Variants in IP6K1 observed in about 807,000 individuals in gnomAD.
The protein encoded by IP6K1 is inositol hexakisphosphate kinase 1.
A neutral mutation model predicts 38.3 loss-of-function variants in IP6K1; 13 were observed. That is an observed-to-expected ratio of 0.34 (90% CI 0.22 to 0.54). The LOEUF (loss-of-function observed/expected upper bound fraction) is 0.54, where lower values mean the gene tolerates loss of function less well. Ranked by LOEUF, IP6K1 falls within the 20% of genes least tolerant of loss-of-function variation. The pLI is 0.92. For synonymous variants in IP6K1, 212 were observed against 229.9 expected, an observed-to-expected ratio of 0.92 and a Z score of 0.70; for missense variants, 397 against 599.8, an observed-to-expected ratio of 0.66 and a Z score of 3.53.
chr3:49,772,224 A>ATAT lies in IP6K1; in HGVS notation c.-129+14129_-129+14130insATA, dbSNP rs1553696788. On this transcript the variant is annotated intron_variant, in intron 1 of 5. Transcript: ENST00000321599. ...CAAGACCCTTTCCCTTAAAAAAAAA[A>ATAT]ATATATATATATATATATGTGTGTG... is the stretch of plus-strand genomic sequence containing the variant. Among the ~76,000 whole-genome samples, 162 of 142,966 alleles carry ATAT rather than the reference A, an allele frequency of 1.1e-3. 1 individual carries two copies. The highest frequency in any genetic ancestry group is 1.9e-3 in the African/African-American group (75 of 38,610). The allele number at this position is 142,966 out of a possible 152,430, so 93.8% of individuals were successfully genotyped here. A position where few individuals can be genotyped will look rare whatever the true frequency, so the allele number is the denominator to read the frequency against.
intron 1 of IP6K1, among the ~76,000 whole-genome samples, chr3:49,755,149 C>T (rs1326572133): frequency 7.2e-6 from 1 of 138,824 alleles, no homozygotes; most frequent in African/African-American, 2.7e-5. Flanking sequence ...GTTGCCCAGG[C>T]TGGTCTCGAA....
chr3:49,736,775 T>G (rs867451141), intron 3 of IP6K1, among the ~76,000 whole-genome samples: 130 of 149,912 alleles, frequency 8.7e-4, no homozygotes, highest in Middle Eastern at 3.4e-3. Flanking sequence ...ATTTAATTTT[T>G]TTTTTTTTTT....
At chr3:49,765,644 T>C (rs2080904608) in intron 1 of IP6K1, among the ~76,000 whole-genome samples, 1 of 109,890 alleles carries the variant, frequency 9.1e-6, no homozygotes, top group Non-Finnish European at 1.9e-5. Context: ...GAGACTCGTC[T>C]TAAAAAAAAA....
intron 1 of IP6K1, among the ~76,000 whole-genome samples, chr3:49,751,409 C>T (rs1290572424): frequency 6.6e-6 from 1 of 152,102 alleles, no homozygotes; most frequent in East Asian, 1.9e-4. Flanking sequence ...ATCCACCCAC[C>T]TCAGCCTCCC....
At chr3:49,784,249 A>C (rs969086853) in intron 1 of IP6K1, among the ~76,000 whole-genome samples, 1 of 152,018 alleles carries the variant, frequency 6.6e-6, no homozygotes, top group Non-Finnish European at 1.5e-5. Context: ...CGCCCGCCTC[A>C]GCCTCCCAAA....
intron 2 of IP6K1, among the ~76,000 whole-genome samples, chr3:49,747,152 C>T (rs1014472933): frequency 1.3e-5 from 2 of 151,772 alleles, no homozygotes; most frequent in Non-Finnish European, 2.9e-5. Flanking sequence ...CAGTGTTAAC[C>T]TGACTGAAAT....
intron 1 of IP6K1, among the ~76,000 whole-genome samples, chr3:49,783,563 A>G (rs2081086592): frequency 6.6e-6 from 1 of 151,894 alleles, no homozygotes; most frequent in African/African-American, 2.4e-5. Flanking sequence ...ATACAAAAAA[A>G]TTGGCCGGGC....
intron 1 of IP6K1, among the ~76,000 whole-genome samples, chr3:49,756,947 T>C (rs1343527742): frequency 1.3e-5 from 2 of 152,188 alleles, no homozygotes; most frequent in African/African-American, 2.4e-5. Flanking sequence ...AAATAGTACA[T>C]GCGAGCCATC....
intron 2 of IP6K1, among the ~76,000 whole-genome samples, chr3:49,743,073 C>A (rs2080685639): frequency 6.6e-6 from 1 of 151,840 alleles, no homozygotes; most frequent in African/African-American, 2.4e-5. Flanking sequence ...ACTAAAAATA[C>A]AAAAATTAGC....
chr3:49,784,008 T>A (rs905547984), intron 1 of IP6K1, among the ~76,000 whole-genome samples: 5 of 151,842 alleles, frequency 3.3e-5, no homozygotes, highest in South Asian at 2.1e-4. Context: ...TTATTTTATT[T>A]ATTATTTATT....
intron 1 of IP6K1, among the ~76,000 whole-genome samples, chr3:49,756,772 G>A (rs1187325236): frequency 7.2e-6 from 1 of 138,204 alleles, no homozygotes; most frequent in Non-Finnish European, 1.5e-5. Flanking sequence ...CCGAGATCAC[G>A]CCATTGCACT....
In IP6K1 at chr3:49,745,288, G is replaced by A. The variant is rs367652141; in HGVS notation, c.223+2530C>T. 5.3e-5 allele frequency among the ~76,000 whole-genome samples: 8 copies of A among 152,306 alleles called. No individual in the cohort carries two copies. The East Asian group carries it at 1.2e-3, about 22-fold the overall frequency. On this transcript the variant is annotated intron_variant, in intron 2 of 5. Coordinates refer to ENST00000321599, the MANE Select transcript of IP6K1 (RefSeq NM_153273.4). ...GTCTGGGGAGACCTAATAAACTAAAGGTTGGAGGAGCAGGTGTGGATAAGG... is the reference window on the plus strand; with the variant it reads ...GTCTGGGGAGACCTAATAAACTAAAAGTTGGAGGAGCAGGTGTGGATAAGG...
At chr3:49,784,732 G>A (rs2081096292) in intron 1 of IP6K1, among the ~76,000 whole-genome samples, 1 of 151,796 alleles carries the variant, frequency 6.6e-6, no homozygotes, top group African/African-American at 2.4e-5. Flanking sequence ...TGATCATGAG[G>A]TCAGGAGTTC....
At chr3:49,768,682 A>C (rs1393574441) in intron 1 of IP6K1, among the ~76,000 whole-genome samples, 1 of 152,178 alleles carries the variant, frequency 6.6e-6, no homozygotes, top group Non-Finnish European at 1.5e-5. Context: ...AGGCAGGAGA[A>C]TCACTTAAAC....
intron 2 of IP6K1, among the ~76,000 whole-genome samples, chr3:49,741,891 G>A (rs1297802534): frequency 6.6e-6 from 1 of 152,136 alleles, no homozygotes; most frequent in Non-Finnish European, 1.5e-5. Context: ...GTGCCTCCCA[G>A]GGAAGGGTTG....
intron 2 of IP6K1, among the ~76,000 whole-genome samples, chr3:49,744,748 G>A (rs988425695): frequency 6.6e-6 from 1 of 152,116 alleles, no homozygotes; most frequent in African/African-American, 2.4e-5. Context: ...TGCTACTGAA[G>A]TATCACTGCT....
At chr3:49,733,564 T>C (rs577543896) in intron 3 of IP6K1, among the ~76,000 whole-genome samples, 3 of 152,336 alleles carry the variant, frequency 2.0e-5, no homozygotes, top group South Asian at 4.1e-4. Flanking sequence ...CAATGGAATA[T>C]TATTCAGCAA....
chr3:49,768,269 C>T (rs933389080), intron 1 of IP6K1, among the ~76,000 whole-genome samples: 3 of 152,150 alleles, frequency 2.0e-5, no homozygotes, highest in Non-Finnish European at 2.9e-5. Context: ...TTCACAATAA[C>T]CAAATGGTGT....
Position 49,747,996 on chromosome 3 carries a change from A to AC in IP6K1, c.44_45insG (p.Asn15LysfsTer58). Reference sequence around the variant, plus strand: ...CTCCCCGGTCTCCAGCCCGACTTGCATTCTTGCCATACTGCCCCACTTCCA... The same window carrying AC: ...CTCCCCGGTCTCCAGCCCGACTTGCACTTCTTGCCATACTGCCCCACTTCCA... On this transcript the variant is annotated frameshift_variant, in exon 2 of 6. Transcript: ENST00000321599. LOFTEE classifies it high-confidence loss of function. 6.2e-7 allele frequency: 1 copy of AC among 1,613,918 alleles called. No homozygotes were observed. Among genetic ancestry groups the AC allele is most frequent in the Non-Finnish European group, 8.5e-7 (1 of 1,180,050 alleles).
Sources: gnomAD v4.1 joint callset for allele counts (sites outside exome capture counted in the v4.1 genomes callset) on GRCh38, gnomAD v4.1.1 for gene constraint, MANE v1.5 for transcripts, NCBI Gene and HGNC (gene_info 2026-07-23, HGNC 2026-07-21) for gene names.